Variants in FXR1 observed in about 807,000 individuals in gnomAD.
FXR1 encodes the protein RNA-binding protein FXR1.
In FXR1, 15 loss-of-function variants were observed where a neutral mutation model predicts 84.0. The ratio of observed to expected loss-of-function variants is 0.18; its 90% confidence interval spans 0.12 to 0.27. FXR1 has a LOEUF of 0.27. Among genes scored for constraint, FXR1 ranks in the 10% least tolerant of loss-of-function variants. The pLI, the probability that FXR1 is intolerant of heterozygous loss-of-function variation, is 1.00. For synonymous variants in FXR1, 245 were observed against 250.7 expected (o/e 0.98, Z 0.21); for missense variants, 480 against 774.4 (o/e 0.62, Z 4.51).
intron 11 of FXR1, among the ~76,000 whole-genome samples, chr3:180,962,016 C>T (rs753645592): frequency 1.3e-5 from 2 of 151,984 alleles, no homozygotes; most frequent in African/African-American, 2.4e-5. Flanking sequence ...TGACATTACT[C>T]GATAATTTGT....
chr3:180,975,122 A>G (rs1714067305), intron 15 of FXR1, among the ~76,000 whole-genome samples, 191 bp from the exon 16 acceptor site: 1 of 152,076 alleles, frequency 6.6e-6, no homozygotes, highest in Non-Finnish European at 1.5e-5. Flanking sequence ...TCAAGCTTGA[A>G]ATTTTCTTCA....
chr3:180,971,151 G>A (rs1432955839), intron 15 of FXR1: 14 of 1,253,472 alleles, frequency 1.1e-5, no homozygotes, highest in Non-Finnish European at 1.3e-5. Context: ...AAGATAGACA[G>A]CCAGGTAACT....
At chr3:180,959,557 A>G (rs1711820000) in intron 10 of FXR1, among the ~76,000 whole-genome samples, 1 of 152,134 alleles carries the variant, frequency 6.6e-6, no homozygotes, top group Non-Finnish European at 1.5e-5. Context: ...CAATTTTTAA[A>G]TGAGTATTAA....
chr3:180,918,134 A>C (rs1718128761), intron 1 of FXR1, among the ~76,000 whole-genome samples: 1 of 151,794 alleles, frequency 6.6e-6, no homozygotes, highest in Admixed American at 6.6e-5. Context: ...ATTTTTCCGT[A>C]TTTTTACTTT....
intron 9 of FXR1, 135 bp downstream of exon 9, chr3:180,953,975 T>A (rs1722489158): frequency 1.8e-6 from 1 of 568,024 alleles, no homozygotes; most frequent in Non-Finnish European, 3.1e-6. Flanking sequence ...TAGCAATACT[T>A]CTTTTCTTTT....
chr3:180,932,078 A>AAAAAAAAC (rs1553842560), intron 1 of FXR1, among the ~76,000 whole-genome samples: 1 of 146,754 alleles, frequency 6.8e-6, no homozygotes, highest in South Asian at 2.1e-4. Flanking sequence ...TAAGTTTCAA[A>AAAAAAAAC]AAAAAAAAAA....
At chr3:180,949,890 T>C (rs1391915304) in intron 7 of FXR1, among the ~76,000 whole-genome samples, 1 of 152,222 alleles carries the variant, frequency 6.6e-6, no homozygotes. Context: ...AAACTAGGGA[T>C]ACTCAGTAGA....
rs1721642797 is a variant in FXR1 at position 180,945,892 on chromosome 3, A to C, written c.199-1973A>C. Among the ~76,000 whole-genome samples, 3 of 88,262 alleles carry C rather than the reference A, an allele frequency of 3.4e-5. 1 individual carries two copies. Among genetic ancestry groups the C allele is most frequent in the Non-Finnish European group, 7.3e-5 (3 of 41,302 alleles). 57.9% of individuals were successfully genotyped at this position (88,262 alleles called of 152,430 possible). On this transcript the variant is annotated intron_variant, in intron 3 of 16. Transcript: ENST00000357559. Reference sequence around the variant, plus strand: ...CATTGTTTGAGAACAATGTTTGAGAAATACATCGTTTGAGAAATACATCGT... The same window carrying C: ...CATTGTTTGAGAACAATGTTTGAGACATACATCGTTTGAGAAATACATCGT...
intron 3 of FXR1, among the ~76,000 whole-genome samples, chr3:180,944,898 C>T (rs144752517): frequency 5.9e-5 from 9 of 152,358 alleles, no homozygotes; most frequent in East Asian, 3.9e-4. Context: ...ACTCGGATTA[C>T]GGGCGTGAGC....
intron 14 of FXR1, among the ~76,000 whole-genome samples, chr3:180,969,323 T>C (rs1713239982): frequency 6.6e-6 from 1 of 152,226 alleles, no homozygotes; most frequent in Non-Finnish European, 1.5e-5. Context: ...ATGGATACGC[T>C]TAGTGTCTTT....
At chr3:180,912,913 G>A (rs1162138678) in intron 1 of FXR1, among the ~76,000 whole-genome samples, 177 bp downstream of exon 1, 2 of 152,146 alleles carry the variant, frequency 1.3e-5, no homozygotes, top group Admixed American at 6.5e-5. Context: ...CTCGGGGGCC[G>A]GGGCTCCGTT....
rs765147627 is a variant in FXR1, at chr3:180,968,127, A to G, written c.1275A>G (p.Ala425=). Residue 425 remains alanine, a synonymous_variant, in exon 14 of 17, where the codon GCA becomes GCG. Coordinates refer to ENST00000357559, the MANE Select transcript of FXR1 (RefSeq NM_005087.4). The part of the protein sequence containing the change: ...RKDELSDWSL[A]GEDDRDSRHQ... ...ACGAGCTGAGTGATTGGTCATTGGCAGGAGAAGATGATCGAGACAGCCGAC... is the reference window on the plus strand; with the variant it reads ...ACGAGCTGAGTGATTGGTCATTGGCGGGAGAAGATGATCGAGACAGCCGAC... The G allele has an allele frequency of 3.1e-6, 5 of 1,613,354 alleles. No homozygotes were observed. The African/African-American group carries it at 5.3e-5, about 17-fold the overall frequency.
intron 1 of FXR1, among the ~76,000 whole-genome samples, chr3:180,929,104 A>G (rs1274832740): frequency 5.9e-5 from 9 of 152,128 alleles, no homozygotes; most frequent in Non-Finnish European, 1.3e-4. Flanking sequence ...TATTTTTAGT[A>G]GAGACGGGGT....
intron 3 of FXR1, among the ~76,000 whole-genome samples, chr3:180,940,563 A>C (rs1323770102): frequency 2.7e-5 from 4 of 148,974 alleles, no homozygotes; most frequent in African/African-American, 5.0e-5. Flanking sequence ...TAACGTGTTT[A>C]GTTTTTGTTT....
At chr3:180,932,811 C>T (rs1194977914) in intron 1 of FXR1, among the ~76,000 whole-genome samples, 1 of 152,152 alleles carries the variant, frequency 6.6e-6, no homozygotes, top group Non-Finnish European at 1.5e-5. Flanking sequence ...ATGTTGATAA[C>T]ATTTATAACA....
chr3:180,913,386 C>A (rs1469822979), intron 1 of FXR1, among the ~76,000 whole-genome samples: 1 of 152,120 alleles, frequency 6.6e-6, no homozygotes, highest in Non-Finnish European at 1.5e-5. Context: ...CTTAGCCCCT[C>A]TATTACGGAA....
At chr3:180,926,493 TATATA>T (rs1224550823) in intron 1 of FXR1, among the ~76,000 whole-genome samples, 55 of 104,534 alleles carry the variant, frequency 5.3e-4, no homozygotes, top group South Asian at 2.4e-3. Flanking sequence ...TATATATATA[TATATA>T]TATATATATT....
chr3:180,977,284 A>G lies in FXR1; in HGVS notation c.*992A>G, dbSNP rs1341888690. Reference sequence around the variant, plus strand: ...ATACTTGCTCATAAATAGCATTAAAATGTCAGTTGGCCATTTAATCATTTT... The same window carrying G: ...ATACTTGCTCATAAATAGCATTAAAGTGTCAGTTGGCCATTTAATCATTTT... On this transcript the variant is annotated 3_prime_UTR_variant, in exon 17 of 17. Transcript: ENST00000357559. 6.6e-6 allele frequency: 1 copy of G among 152,522 alleles called. No individual in the cohort carries two copies. Among genetic ancestry groups the G allele is most frequent in the Non-Finnish European group, 1.5e-5 (1 of 67,986 alleles). 9.4% of individuals were successfully genotyped at this position (152,522 alleles called of 1,614,324 possible).
chr3:180,961,440 C>A, intron 10 of FXR1, 28 bp from the exon 11 acceptor site: 3 of 1,164,908 alleles, frequency 2.6e-6, no homozygotes, highest in African/African-American at 1.6e-5. Context: ...ATATTAAACA[C>A]TGAATACTTT....
Sources: gnomAD v4.1 joint callset for allele counts (sites outside exome capture counted in the v4.1 genomes callset) on GRCh38, gnomAD v4.1.1 for gene constraint, MANE v1.5 for transcripts, NCBI Gene and HGNC (gene_info 2026-07-23, HGNC 2026-07-21) for gene names.